The following ERBB4 variants were observed in gnomAD, a reference collection of about 807,000 sequenced individuals.
The protein encoded by ERBB4 is receptor tyrosine-protein kinase erbB-4.
Under a neutral mutation model 158.0 loss-of-function variants are expected in ERBB4, and 42 were observed. The ratio of observed to expected loss-of-function variants is 0.27; its 90% CI spans 0.21 to 0.34. The LOEUF (loss-of-function observed/expected upper bound fraction) is 0.34. Ranked by LOEUF, ERBB4 falls within the 10% of genes least tolerant of loss-of-function variation. ERBB4 has a pLI of 1.00. For synonymous variants in ERBB4, 583 were observed against 558.7 expected, an observed-to-expected ratio of 1.04 and a Z score of -0.61; for missense variants, 1,333 against 1,624.1, an observed-to-expected ratio of 0.82 and a Z score of 3.08.
intron 2 of ERBB4, among the ~76,000 whole-genome samples, chr2:212,113,959 TTTTA>T (rs1158754947): frequency 1.3e-5 from 2 of 152,166 alleles, no homozygotes; most frequent in South Asian, 2.1e-4. Flanking sequence ...GATTATGACT[TTTTA>T]TTTAAAGTCA....
chr2:212,065,549 A>G (rs759612735), intron 2 of ERBB4, among the ~76,000 whole-genome samples: 18 of 152,118 alleles, frequency 1.2e-4, no homozygotes, highest in Non-Finnish European at 2.1e-4. Context: ...TACTTTTCAA[A>G]AGCAGATCAC....
Position 211,488,445 on chromosome 2 carries a change from G to T in ERBB4, c.2488-57345C>A, listed in dbSNP as rs375383679. Among the ~76,000 whole-genome samples the T allele has an allele frequency of 5.3e-5, 8 of 152,140 alleles. No individual in the cohort carries two copies. In the East Asian group the frequency reaches 1.2e-3, roughly 22 times the overall value. On this transcript the variant is annotated intron_variant, in intron 20 of 27. Coordinates refer to ENST00000342788, the MANE Select transcript of ERBB4 (RefSeq NM_005235.3). ...ATCACTGTATTGAGAGTGCCTAAAAGAATATCTGGCAGTGGAAAATGCTGA... is the reference window on the plus strand; with the variant it reads ...ATCACTGTATTGAGAGTGCCTAAAATAATATCTGGCAGTGGAAAATGCTGA...
intron 1 of ERBB4, among the ~76,000 whole-genome samples, chr2:212,248,944 C>G (rs1472147890): frequency 6.6e-6 from 1 of 152,112 alleles, no homozygotes; most frequent in Admixed American, 6.5e-5. Context: ...TCATATTTAT[C>G]TTTTTCTTCA....
At chr2:211,754,056 T>G (rs1161839475) in intron 4 of ERBB4, among the ~76,000 whole-genome samples, 1 of 151,790 alleles carries the variant, frequency 6.6e-6, no homozygotes, top group Non-Finnish European at 1.5e-5. Context: ...GAGACGGGGT[T>G]TCACTGTGTT....
intron 20 of ERBB4, among the ~76,000 whole-genome samples, chr2:211,511,817 C>T (rs1341110634): frequency 6.6e-6 from 1 of 151,908 alleles, no homozygotes; most frequent in Non-Finnish European, 1.5e-5. Flanking sequence ...GTCTTTTTCC[C>T]CTACGCCATT....
chr2:211,668,094 C>T (rs1331049075), intron 14 of ERBB4, among the ~76,000 whole-genome samples: 2 of 152,132 alleles, frequency 1.3e-5, no homozygotes, highest in Non-Finnish European at 2.9e-5. Flanking sequence ...TATTACTGTA[C>T]TGAATATTTT....
intron 1 of ERBB4, among the ~76,000 whole-genome samples, chr2:212,510,904 G>A (rs1691480728): frequency 6.6e-6 from 1 of 151,992 alleles, no homozygotes; most frequent in South Asian, 2.1e-4. Flanking sequence ...GGGATCCCCA[G>A]GAATGTCCAA....
chr2:211,910,190 T>G (rs990729757), intron 3 of ERBB4, among the ~76,000 whole-genome samples: 5 of 151,580 alleles, frequency 3.3e-5, no homozygotes, highest in African/African-American at 9.7e-5. Flanking sequence ...GTGCTGGGAT[T>G]ACAGGCATAA....
intron 3 of ERBB4, among the ~76,000 whole-genome samples, chr2:211,871,144 A>C (rs2078333039): frequency 6.6e-6 from 1 of 152,124 alleles, no homozygotes; most frequent in Non-Finnish European, 1.5e-5. Flanking sequence ...ATTATCAGGG[A>C]ACATAACACC....
chr2:211,903,613 A>G (rs879439860), intron 3 of ERBB4, among the ~76,000 whole-genome samples: 6 of 152,068 alleles, frequency 3.9e-5, no homozygotes, highest in Non-Finnish European at 8.8e-5. Flanking sequence ...TGAAATGGGT[A>G]ATCAATAAAT....
intron 1 of ERBB4, among the ~76,000 whole-genome samples, chr2:212,161,061 A>G (rs2081189456): frequency 6.6e-6 from 1 of 152,036 alleles, no homozygotes; most frequent in Admixed American, 6.6e-5. Flanking sequence ...ATTCATAAAT[A>G]TGTCATCTCC....
At chr2:212,463,573 T>A (rs1053818572) in intron 1 of ERBB4, among the ~76,000 whole-genome samples, 1 of 152,080 alleles carries the variant, frequency 6.6e-6, no homozygotes, top group Non-Finnish European at 1.5e-5. Flanking sequence ...CATGTTAAAC[T>A]TTATTTATAC....
chr2:211,739,419 G>T (rs2106177752), intron 5 of ERBB4, among the ~76,000 whole-genome samples: 1 of 152,160 alleles, frequency 6.6e-6, no homozygotes, highest in Middle Eastern at 3.4e-3. Flanking sequence ...ATACTTGATA[G>T]GGAAAATGAT....
rs2062573964 is a variant in ERBB4 at position 211,381,537 on chromosome 2, A to AAATT, written c.*2074_*2077dup. 1 of 231,510 alleles carries AAATT rather than the reference A, an allele frequency of 4.3e-6. No individual in the cohort carries two copies. Among genetic ancestry groups the AAATT allele is most frequent in the Middle Eastern group, 1.3e-3 (1 of 768 alleles). 14.3% of individuals were successfully genotyped at this position (231,510 alleles called of 1,614,324 possible). On this transcript the variant is annotated 3_prime_UTR_variant, in exon 28 of 28. Transcript: ENST00000342788. ...AATCTGATTGTTGGAACGCATAGAA[A>AAATT]AATTAAAATGTCATTTTAATTAAAT...
At chr2:212,448,561 A>G (rs561133057) in intron 1 of ERBB4, among the ~76,000 whole-genome samples, 13 of 152,240 alleles carry the variant, frequency 8.5e-5, no homozygotes, top group Admixed American at 3.9e-4. Context: ...TCTGTAACAT[A>G]TAAAAGGTAT....
intron 2 of ERBB4, among the ~76,000 whole-genome samples, chr2:212,122,742 C>A (rs2079795450): frequency 6.6e-6 from 1 of 151,694 alleles, no homozygotes; most frequent in Non-Finnish European, 1.5e-5. Flanking sequence ...TTTATCATTC[C>A]ATGCTGTTAC....
intron 1 of ERBB4, among the ~76,000 whole-genome samples, chr2:212,410,237 T>G (rs2091458271): frequency 7.1e-6 from 1 of 140,988 alleles, no homozygotes; most frequent in African/African-American, 2.7e-5. Context: ...GTAATGTATT[T>G]ATTGCTATGT....
chr2:212,272,640 TTGAC>T (rs1442225555), intron 1 of ERBB4, among the ~76,000 whole-genome samples: 1 of 151,796 alleles, frequency 6.6e-6, no homozygotes, highest in Non-Finnish European at 1.5e-5. Context: ...AATACATAGT[TTGAC>T]TGATGCGCCA....
intron 20 of ERBB4, among the ~76,000 whole-genome samples, chr2:211,523,611 C>G (rs1358076723): frequency 6.6e-6 from 1 of 151,470 alleles, no homozygotes; most frequent in African/African-American, 2.4e-5. Context: ...GCTCTCAAGG[C>G]TGCGCGTCTG....
Sources: allele counts gnomAD v4.1 joint callset (sites outside exome capture counted in the v4.1 genomes callset), GRCh38; gene constraint gnomAD v4.1.1; transcripts MANE v1.5; gene names NCBI Gene and HGNC (gene_info 2026-07-23, HGNC 2026-07-21).